PLCL1: variants seen among roughly 807,000 people sequenced by gnomAD.
PLCL1 encodes phospholipase C like 1 (inactive), also known as inactive phospholipase C-like protein 1.
In PLCL1, 41 loss-of-function variants were observed where a neutral mutation model predicts 84.4. That is an observed-to-expected ratio of 0.49 (90% CI 0.38 to 0.63). PLCL1 has a LOEUF of 0.63. Among genes scored for constraint, PLCL1 ranks in the 30% least tolerant of loss-of-function variants. PLCL1 has a pLI of 0.00. For missense variants in PLCL1, 1,206 were observed against 1,367.8 expected, an observed-to-expected ratio of 0.88 and a Z score of 1.87; for synonymous variants, 490 against 488.3, an observed-to-expected ratio of 1.00 and a Z score of -0.05.
At chr2:197,885,016 CTCA>C (rs1687892748) in intron 1 of PLCL1, among the ~76,000 whole-genome samples, 1 of 152,204 alleles carries the variant, frequency 6.6e-6, no homozygotes, top group Admixed American at 6.5e-5. Context: ...CCTCTGTAAA[CTCA>C]TCATCTACCC....
chr2:198,064,553 A>G (rs1692279978), intron 1 of PLCL1, among the ~76,000 whole-genome samples: 1 of 152,148 alleles, frequency 6.6e-6, no homozygotes, highest in African/African-American at 2.4e-5. Context: ...TAGAAATTCT[A>G]TATAATTTAA....
intron 1 of PLCL1, among the ~76,000 whole-genome samples, chr2:197,821,105 T>C (rs1361215688): frequency 1.3e-5 from 2 of 152,152 alleles, no homozygotes; most frequent in Non-Finnish European, 2.9e-5. Context: ...CTTCAAGTTC[T>C]CTTTTTTCCC....
At chr2:197,908,672 G>A (rs536846900) in intron 1 of PLCL1, among the ~76,000 whole-genome samples, 7 of 152,080 alleles carry the variant, frequency 4.6e-5, no homozygotes, top group South Asian at 2.1e-4. Context: ...CCTTAGACCC[G>A]ATAAGCATTT....
rs370110134 is a variant in PLCL1 at position 197,912,688 on chromosome 2, G to A, written c.240+107349G>A. Among the ~76,000 whole-genome samples, 67 of 143,248 alleles carry A rather than the reference G, an allele frequency of 4.7e-4. 1 individual carries two copies. The highest frequency in any genetic ancestry group is 1.3e-3 in the African/African-American group (50 of 38,976). 94.0% of individuals were successfully genotyped at this position (143,248 alleles called of 152,430 possible). On this transcript the variant is annotated intron_variant, in intron 1 of 5. Transcript: ENST00000428675. ...AAATCATCATTCTCAGTAAACTATCGCAAGAACAAAAAACCAAACACCGCA... is the reference window on the plus strand; with the variant it reads ...AAATCATCATTCTCAGTAAACTATCACAAGAACAAAAAACCAAACACCGCA...
At chr2:197,973,200 A>G (rs1689905013) in intron 1 of PLCL1, among the ~76,000 whole-genome samples, 1 of 152,196 alleles carries the variant, frequency 6.6e-6, no homozygotes, top group African/African-American at 2.4e-5. Context: ...GCATGGAGGT[A>G]TGAACTAAGA....
chr2:197,918,390 G>A (rs1688635706), intron 1 of PLCL1, among the ~76,000 whole-genome samples: 2 of 152,092 alleles, frequency 1.3e-5, no homozygotes, highest in Non-Finnish European at 1.5e-5. Context: ...GAAAGAGGGC[G>A]TTAGGCAAAA....
In PLCL1 at chr2:197,809,872, A is replaced by G. The variant is rs576533029; in HGVS notation, c.240+4533A>G. Among the ~76,000 whole-genome samples, 11 of 151,704 alleles carry G rather than the reference A, an allele frequency of 7.3e-5. No homozygotes were observed. In the South Asian group the frequency reaches 2.1e-3, roughly 29 times the overall value. ...TAGGGACGGTTATGAAGGGAAATTA[A>G]ATGTGATTAAAAATTAGTTAAAAAT... On this transcript the variant is annotated intron_variant, in intron 1 of 5. Coordinates refer to ENST00000428675, the MANE Select transcript of PLCL1 (RefSeq NM_006226.4).
chr2:198,070,675 A>G (rs1559092917), intron 1 of PLCL1, among the ~76,000 whole-genome samples: 1 of 151,984 alleles, frequency 6.6e-6, no homozygotes, highest in Admixed American at 6.6e-5. Flanking sequence ...AAATAACACC[A>G]GTGTAATTAT....
intron 1 of PLCL1, among the ~76,000 whole-genome samples, chr2:198,006,438 G>A (rs1403733730): frequency 6.6e-6 from 1 of 151,990 alleles, no homozygotes; most frequent in Non-Finnish European, 1.5e-5. Flanking sequence ...AACTTTTGGA[G>A]TATATATATA....
chr2:198,020,839 C>T (rs1226590970), intron 1 of PLCL1, among the ~76,000 whole-genome samples: 1 of 152,066 alleles, frequency 6.6e-6, no homozygotes, highest in Non-Finnish European at 1.5e-5. Flanking sequence ...AACTGATCAA[C>T]GAGGCAGAAA....
chr2:197,981,134 C>T (rs1289603262), intron 1 of PLCL1, among the ~76,000 whole-genome samples: 1 of 152,196 alleles, frequency 6.6e-6, no homozygotes, highest in Non-Finnish European at 1.5e-5. Flanking sequence ...ATACTCTACA[C>T]CTTAGTTCAC....
At chr2:197,989,926 T>C (rs1426306899) in intron 1 of PLCL1, among the ~76,000 whole-genome samples, 1 of 152,172 alleles carries the variant, frequency 6.6e-6, no homozygotes, top group African/African-American at 2.4e-5. Context: ...GAGACTAATA[T>C]ACAAATGAAG....
intron 5 of PLCL1, among the ~76,000 whole-genome samples, chr2:198,107,083 G>T (rs1693493632): frequency 6.6e-6 from 1 of 151,874 alleles, no homozygotes; most frequent in Non-Finnish European, 1.5e-5. Flanking sequence ...TCACAATTCA[G>T]CATGGCTGGG....
At chr2:197,997,934 G>T (rs1690505222) in intron 1 of PLCL1, among the ~76,000 whole-genome samples, 4 of 152,236 alleles carry the variant, frequency 2.6e-5, no homozygotes, top group African/African-American at 9.6e-5. Flanking sequence ...ATTGTTTTAT[G>T]TTAAAATATA....
chr2:197,903,182 A>G (rs1171458699), intron 1 of PLCL1, among the ~76,000 whole-genome samples: 4 of 152,298 alleles, frequency 2.6e-5, no homozygotes, highest in Admixed American at 2.0e-4. Context: ...AGGATCATAT[A>G]ATAAATGTTT....
chr2:198,109,037 A>T (rs1450877887), intron 5 of PLCL1, among the ~76,000 whole-genome samples: 1 of 151,844 alleles, frequency 6.6e-6, no homozygotes, highest in South Asian at 2.1e-4. Context: ...ATGTTAAAAG[A>T]CCTTTCCCTC....
chr2:197,855,390 A>G (rs1310009279), intron 1 of PLCL1, among the ~76,000 whole-genome samples: 1 of 152,046 alleles, frequency 6.6e-6, no homozygotes, highest in Non-Finnish European at 1.5e-5. Flanking sequence ...GTTCTTAGTG[A>G]CTTAATCTGG....
chr2:197,907,251 T>A (rs771858418), intron 1 of PLCL1, among the ~76,000 whole-genome samples: 1 of 152,098 alleles, frequency 6.6e-6, no homozygotes, highest in Non-Finnish European at 1.5e-5. Flanking sequence ...TTCTTTCTTT[T>A]TTTTTTTGAC....
intron 1 of PLCL1, among the ~76,000 whole-genome samples, chr2:197,994,987 C>T (rs1183414799): frequency 1.3e-5 from 2 of 152,154 alleles, no homozygotes; most frequent in East Asian, 3.9e-4. Context: ...TTCTCAAAGC[C>T]TTTCTCCAAT....
Sources: gnomAD v4.1 joint callset for allele counts (sites outside exome capture counted in the v4.1 genomes callset) on GRCh38, gnomAD v4.1.1 for gene constraint, MANE v1.5 for transcripts, NCBI Gene and HGNC (gene_info 2026-07-23, HGNC 2026-07-21) for gene names.